Variants in CYB5R4 observed in about 807,000 individuals in gnomAD.
The protein encoded by CYB5R4 is cytochrome b5 reductase 4, also known as N-terminal cytochrome b5 and cytochrome b5 oxidoreductase domain-containing protein.
A neutral mutation model predicts 70.2 loss-of-function variants in CYB5R4; 55 were observed. That is an observed-to-expected ratio of 0.78 (90% CI 0.63 to 0.98). CYB5R4 has a LOEUF of 0.98. CYB5R4 is among the 50% of genes least tolerant of loss of function. The pLI, the probability that CYB5R4 is intolerant of heterozygous loss-of-function variation, is 0.00. For missense variants in CYB5R4, 562 were observed against 612.6 expected (o/e 0.92, Z 0.87); for synonymous variants, 197 against 199.5 (o/e 0.99, Z 0.11).
intron 3 of CYB5R4, among the ~76,000 whole-genome samples, chr6:83,906,344 G>A (rs1408925556): frequency 6.6e-6 from 1 of 152,172 alleles, no homozygotes; most frequent in African/African-American, 2.4e-5. Context: ...CTAGTACAGT[G>A]TGCAGTTTGT....
At chr6:83,865,167 C>A (rs1031953410) in intron 2 of CYB5R4, among the ~76,000 whole-genome samples, 2 of 152,138 alleles carry the variant, frequency 1.3e-5, no homozygotes, top group African/African-American at 4.8e-5. Flanking sequence ...CTGCTCTGTC[C>A]TGAGTGGCTG....
intron 5 of CYB5R4, among the ~76,000 whole-genome samples, chr6:83,916,163 G>A (rs2099465484): frequency 6.6e-6 from 1 of 151,656 alleles, no homozygotes; most frequent in African/African-American, 2.4e-5. Flanking sequence ...TGTCTCATTT[G>A]CTCACCCATG....
At chr6:83,918,700 A>G (rs2099465886) in intron 6 of CYB5R4, among the ~76,000 whole-genome samples, 1 of 152,060 alleles carries the variant, frequency 6.6e-6, no homozygotes, top group South Asian at 2.1e-4. Flanking sequence ...AGCAATACAT[A>G]TATATTTCGT....
At chr6:83,947,096 C>A (rs1033078303) in intron 14 of CYB5R4, among the ~76,000 whole-genome samples, 1 of 152,014 alleles carries the variant, frequency 6.6e-6, no homozygotes, top group African/African-American at 2.4e-5. Flanking sequence ...CTCGTATAGC[C>A]AAGACAATCC....
chr6:83,905,175 C>T (rs183816734), intron 3 of CYB5R4, among the ~76,000 whole-genome samples: 76 of 152,278 alleles, frequency 5.0e-4, no homozygotes, highest in Middle Eastern at 3.4e-3. Context: ...CTGCCTCAGC[C>T]GCCCAAGTAG....
At chr6:83,871,115 T>A (rs2129128855) in intron 2 of CYB5R4, among the ~76,000 whole-genome samples, 1 of 152,016 alleles carries the variant, frequency 6.6e-6, no homozygotes, top group East Asian at 1.9e-4. Context: ...TAGCTGGGAT[T>A]ATAGGCGCCT....
chr6:83,935,856 GT>G (rs556360377), intron 11 of CYB5R4, among the ~76,000 whole-genome samples: 5 of 150,974 alleles, frequency 3.3e-5, no homozygotes, highest in African/African-American at 7.3e-5. Flanking sequence ...TAGGTAAATA[GT>G]TTTTTTTTAC....
At chr6:83,868,428 T>C (rs2099457068) in intron 2 of CYB5R4, among the ~76,000 whole-genome samples, 1 of 152,182 alleles carries the variant, frequency 6.6e-6, no homozygotes, top group South Asian at 2.1e-4. Context: ...AAAATGATGG[T>C]ATAAAAACAG....
At position 83,914,418 on chromosome 6, in the gene CYB5R4, T is replaced by C; in HGVS notation, c.415T>C (p.Tyr139His). The C allele has an allele frequency of 6.5e-7, 1 of 1,531,780 alleles. No homozygotes were observed. Among genetic ancestry groups the C allele is most frequent in the Non-Finnish European group, 8.9e-7 (1 of 1,125,964 alleles). The allele number at this position is 1,531,780 out of a possible 1,614,324, so 94.9% of individuals were successfully genotyped here. ...TTTTTTTCTAAATCACTATACAGAC[T>C]ATCGTGAGGAGGAAAAGAAAGTCTT... ...MAIKPAVLKD[Y>H]REEEKKVLNG... The change falls in exon 5 of 16, where the codon TAT becomes CAT. Residue 139 changes from tyrosine (Y) to histidine (H), a missense_variant and splice_region_variant. Physicochemically the swap from Tyr to His is moderately conservative, Grantham distance 83. Transcript: ENST00000369681.
At chr6:83,877,744 G>A (rs980088025) in intron 2 of CYB5R4, among the ~76,000 whole-genome samples, 1 of 152,212 alleles carries the variant, frequency 6.6e-6, no homozygotes, top group African/African-American at 2.4e-5. Context: ...GTTTGGAGGG[G>A]ACAAATGTCT....
intron 2 of CYB5R4, among the ~76,000 whole-genome samples, chr6:83,869,425 G>A (rs574272088): frequency 1.6e-3 from 241 of 152,282 alleles, no homozygotes; most frequent in Non-Finnish European, 1.8e-3. Context: ...TTCATTCAAA[G>A]ACACACACAG....
chr6:83,871,872 C>CT (rs1248476710), intron 2 of CYB5R4, among the ~76,000 whole-genome samples: 13 of 151,672 alleles, frequency 8.6e-5, no homozygotes, highest in South Asian at 2.1e-4. Context: ...TTTTTTCTCT[C>CT]TTTTTTTTCT....
At position 83,923,381 on chromosome 6, in the gene CYB5R4, A is replaced by G. The variant is rs371424425; in HGVS notation, c.691+911A>G. Among the ~76,000 whole-genome samples the G allele has an allele frequency of 7.9e-5, 12 of 152,290 alleles. No individual in the cohort carries two copies. In the South Asian group the frequency reaches 2.5e-3, roughly 32 times the overall value. On this transcript the variant is annotated intron_variant, in intron 9 of 15. Coordinates refer to ENST00000369681, the MANE Select transcript of CYB5R4 (RefSeq NM_016230.4). ...AAATTGTATAAATCAGGCTCTTTAA[A>G]GACAAAGACCATGGTTTTATTTTGG...
intron 6 of CYB5R4, 58 bp downstream of exon 6, chr6:83,918,123 C>A: frequency 7.7e-7 from 1 of 1,299,044 alleles, no homozygotes; most frequent in Non-Finnish European, 1.1e-6. Flanking sequence ...AAAATGTACA[C>A]ATTTAAAAAA....
chr6:83,883,323 A>T (rs1052747750), intron 2 of CYB5R4, among the ~76,000 whole-genome samples: 23 of 152,214 alleles, frequency 1.5e-4, no homozygotes, highest in African/African-American at 5.3e-4. Flanking sequence ...TTGAAGAAAT[A>T]GTGGCCATAT....
In CYB5R4 at chr6:83,966,268, TA is replaced by T. The variant is rs1168882712; in HGVS notation, c.*6392del. 1.3e-5 allele frequency: 2 copies of T among 152,220 alleles called. No individual in the cohort carries two copies. The highest frequency in any genetic ancestry group is 4.8e-5 in the African/African-American group (2 of 41,458). The allele number at this position is 152,220 out of a possible 1,614,324, so 9.4% of individuals were successfully genotyped here. ...ACATTTTAAGTAGATGAATTGTATC[TA>T]ATTTGAACCATATCTCAGTAAAGAT... On this transcript the variant is annotated 3_prime_UTR_variant, in exon 16 of 16. Coordinates refer to ENST00000369681, the MANE Select transcript of CYB5R4 (RefSeq NM_016230.4).
At chr6:83,950,535 TG>T in intron 14 of CYB5R4, among the ~76,000 whole-genome samples, 1 of 152,152 alleles carries the variant, frequency 6.6e-6, no homozygotes, top group Non-Finnish European at 1.5e-5. Flanking sequence ...GTGGGACAGG[TG>T]GTACAGTTTG....
chr6:83,882,506 G>A (rs2099459607), intron 2 of CYB5R4, among the ~76,000 whole-genome samples: 1 of 152,050 alleles, frequency 6.6e-6, no homozygotes, highest in South Asian at 2.1e-4. Flanking sequence ...AATCTTTGCA[G>A]GAATATTACA....
At chr6:83,893,443 T>A in intron 2 of CYB5R4, 79 bp from the exon 3 acceptor site, 1 of 799,262 alleles carries the variant, frequency 1.3e-6, no homozygotes. Flanking sequence ...TTGGAAAGAT[T>A]TATTGAAACT....
Sources: gnomAD v4.1 joint callset for allele counts (sites outside exome capture counted in the v4.1 genomes callset) on GRCh38, gnomAD v4.1.1 for gene constraint, MANE v1.5 for transcripts, NCBI Gene and HGNC (gene_info 2026-07-23, HGNC 2026-07-21) for gene names.